CRACDL: variants seen among roughly 807,000 people sequenced by gnomAD.
CRACDL encodes the protein CRACD like, also known as CRACD-like protein.
A neutral mutation model predicts 70.6 loss-of-function variants in CRACDL; 26 were observed. That is an observed-to-expected ratio of 0.37 (90% confidence interval 0.27 to 0.51). The LOEUF (loss-of-function observed/expected upper bound fraction) is 0.51, where lower values mean the gene tolerates loss of function less well. CRACDL is among the 20% of genes least tolerant of loss of function. The pLI, the probability that CRACDL is intolerant of heterozygous loss-of-function variation, is 0.94. For missense variants in CRACDL, 1,283 were observed against 1,376.9 expected (o/e 0.93, Z 1.08); for synonymous variants, 618 against 615.2 (o/e 1.00, Z -0.07).
intron 5 of CRACDL, among the ~76,000 whole-genome samples, chr2:98,829,503 G>C (rs1192751578): frequency 6.6e-6 from 1 of 152,154 alleles, no homozygotes; most frequent in Non-Finnish European, 1.5e-5. Flanking sequence ...ATGGGGAGGA[G>C]GTGAGGGCTG....
chr2:98,894,765 T>G (rs977014927), intron 1 of CRACDL, among the ~76,000 whole-genome samples: 10 of 152,146 alleles, frequency 6.6e-5, no homozygotes, highest in Non-Finnish European at 1.3e-4. Flanking sequence ...AAGCAGAATG[T>G]AAGCAAATCC....
intron 1 of CRACDL, among the ~76,000 whole-genome samples, chr2:98,919,590 C>T (rs1374605603): frequency 6.6e-6 from 1 of 152,160 alleles, no homozygotes; most frequent in East Asian, 1.9e-4. Flanking sequence ...TTTTAATCCA[C>T]ATGGAATATA....
chr2:98,797,797 G>A (rs1350078989), intron 7 of CRACDL, among the ~76,000 whole-genome samples: 1 of 152,142 alleles, frequency 6.6e-6, no homozygotes, highest in African/African-American at 2.4e-5. Context: ...TTCCTCCTAG[G>A]AATCCTTTCT....
intron 1 of CRACDL, among the ~76,000 whole-genome samples, chr2:98,895,005 G>A (rs1268677081): frequency 6.6e-6 from 1 of 152,192 alleles, no homozygotes; most frequent in Non-Finnish European, 1.5e-5. Flanking sequence ...TAGCTACTCA[G>A]GAGGCTGAGG....
chr2:98,884,128 C>T (rs567334825), intron 1 of CRACDL, among the ~76,000 whole-genome samples: 6 of 152,278 alleles, frequency 3.9e-5, no homozygotes, highest in Admixed American at 6.5e-5. Flanking sequence ...ATGAGGGGGG[C>T]GGCACGGCAG....
intron 1 of CRACDL, among the ~76,000 whole-genome samples, chr2:98,882,136 C>G (rs1263915908): frequency 6.6e-6 from 1 of 152,222 alleles, no homozygotes; most frequent in Non-Finnish European, 1.5e-5. Flanking sequence ...ACTGCAGCCT[C>G]CTAGAAATGG....
intron 7 of CRACDL, among the ~76,000 whole-genome samples, chr2:98,798,754 C>T (rs539477886): frequency 1.1e-4 from 16 of 151,390 alleles, no homozygotes; most frequent in East Asian, 2.0e-4. Flanking sequence ...TACAGTGGTG[C>T]GATCAAGGCT....
chr2:98,900,724 AG>A (rs1362785958), intron 1 of CRACDL, among the ~76,000 whole-genome samples: 1 of 152,112 alleles, frequency 6.6e-6, no homozygotes, highest in African/African-American at 2.4e-5. Context: ...GGAGAAAGGC[AG>A]GCCTCTCAAG....
chr2:98,822,338 G>A lies in CRACDL; in HGVS notation c.1935C>T (p.Ala645=), dbSNP rs1705090872. The change falls in exon 7 of 10, where the codon GCC becomes GCT. Residue 645 remains alanine, a synonymous_variant. Coordinates refer to ENST00000397899, the MANE Select transcript of CRACDL (RefSeq NM_207362.3). The surrounding 1 kb of genome is among the most constrained non-coding windows in gnomAD (Gnocchi z 4.9). The part of the protein sequence containing the change: ...RGPQDSGDRA[A]SPAGPRKSPQ... The stretch of plus-strand genomic sequence containing the variant: ...GGCTCTTGCGCGGCCCGGCCGGGCT[G>A]GCCGCCCTGTCCCCCGAGTCCTGAG... 1.4e-6 allele frequency: 2 copies of A among 1,458,718 alleles called. No individual in the cohort carries two copies. The highest frequency in any genetic ancestry group is 1.5e-5 in the African/African-American group (1 of 67,048). 90.4% of individuals were successfully genotyped at this position (1,458,718 alleles called of 1,614,324 possible).
chr2:98,829,987 G>C (rs2104492511), intron 5 of CRACDL, among the ~76,000 whole-genome samples: 1 of 152,296 alleles, frequency 6.6e-6, no homozygotes, highest in Non-Finnish European at 1.5e-5. Flanking sequence ...CCTGCCTGAG[G>C]CCTCCCTCCG....
intron 1 of CRACDL, among the ~76,000 whole-genome samples, chr2:98,907,543 G>GC (rs1274552036): frequency 6.6e-6 from 1 of 152,060 alleles, no homozygotes; most frequent in Non-Finnish European, 1.5e-5. Flanking sequence ...TACCATCCCC[G>GC]CAAGTTCCAG....
chr2:98,874,057 T>C (rs1030716444), intron 1 of CRACDL, among the ~76,000 whole-genome samples: 1 of 152,222 alleles, frequency 6.6e-6, no homozygotes, highest in Non-Finnish European at 1.5e-5. Context: ...ACTGGTAAGT[T>C]CTTTTCAGCT....
At chr2:98,845,148 C>T (rs1274650812) in intron 2 of CRACDL, among the ~76,000 whole-genome samples, 4 of 151,956 alleles carry the variant, frequency 2.6e-5, no homozygotes, top group African/African-American at 7.2e-5. Context: ...GGCTTTTATA[C>T]TCTGTTGTCT....
At chr2:98,811,507 ACT>A (rs1301015925) in intron 7 of CRACDL, among the ~76,000 whole-genome samples, 2 of 126,500 alleles carry the variant, frequency 1.6e-5, no homozygotes, top group Non-Finnish European at 3.2e-5. Context: ...ACAGAGCGAG[ACT>A]CTGTCTCAAA....
At chr2:98,818,679 G>A (rs1054801134) in intron 7 of CRACDL, among the ~76,000 whole-genome samples, 2 of 152,218 alleles carry the variant, frequency 1.3e-5, no homozygotes, top group African/African-American at 4.8e-5. Flanking sequence ...TAATTTGGGA[G>A]CAATGAGAAT....
At chr2:98,803,131 C>G (rs1424711886) in intron 7 of CRACDL, among the ~76,000 whole-genome samples, 1 of 151,940 alleles carries the variant, frequency 6.6e-6, no homozygotes. Flanking sequence ...TCCCGAGTAG[C>G]TGGGACTACA....
At position 98,821,870 on chromosome 2, in the gene CRACDL, C is replaced by A. The variant is rs541161975; in HGVS notation, c.2403G>T (p.Leu801=). ...KEPRTAEKRP[L]RRGAEKSLPP... ...GCGGGCTCTTACCAGCTCCCCTGCG[C>A]AGCGGCCTTTTCTCCGCCGTCCTGG... The change falls in exon 7 of 10, where the codon CTG becomes CTT. Residue 801 remains leucine (L), a synonymous_variant. Coordinates refer to ENST00000397899, the MANE Select transcript of CRACDL (RefSeq NM_207362.3). 2 of 1,607,420 alleles carry A rather than the reference C, an allele frequency of 1.2e-6. No individual in the cohort carries two copies. Among genetic ancestry groups the A allele is most frequent in the African/African-American group, 2.7e-5 (2 of 74,466 alleles).
chr2:98,813,008 T>C (rs1704637254), intron 7 of CRACDL, among the ~76,000 whole-genome samples: 2 of 152,256 alleles, frequency 1.3e-5, no homozygotes, highest in Non-Finnish European at 2.9e-5. Context: ...TTTAAGTCCA[T>C]GACCCCTTTT....
intron 1 of CRACDL, among the ~76,000 whole-genome samples, chr2:98,858,596 C>T (rs1339645495): frequency 1.3e-5 from 2 of 150,192 alleles, no homozygotes; most frequent in South Asian, 2.1e-4. Flanking sequence ...AAAAGAAGGG[C>T]AATCTAAACT....
Sources: gnomAD v4.1 joint callset for allele counts (sites outside exome capture counted in the v4.1 genomes callset) on GRCh38, gnomAD v4.1.1 for gene constraint, Gnocchi (gnomAD v3.1) non-coding constraint, MANE v1.5 for transcripts, NCBI Gene and HGNC (gene_info 2026-07-23, HGNC 2026-07-21) for gene names.